Variants in KCTD1 observed in about 807,000 individuals in gnomAD.
The protein encoded by KCTD1 is BTB/POZ domain-containing protein KCTD1.
A neutral mutation model predicts 66.0 loss-of-function variants in KCTD1; 24 were observed. The observed-to-expected ratio is 0.36, with a 90% confidence interval of 0.26 to 0.51. The LOEUF (loss-of-function observed/expected upper bound fraction) is 0.51, where lower values mean the gene tolerates loss of function less well. KCTD1 is among the 20% of genes least tolerant of loss of function. The probability of loss-of-function intolerance (pLI) is 0.95; values close to 1 mark genes in which losing one functional copy is unlikely to be tolerated. For synonymous variants in KCTD1, 511 were observed against 517.2 expected (o/e 0.99, Z 0.16); for missense variants, 943 against 1,205.2 (o/e 0.78, Z 3.22).
rs147403194 is a variant in KCTD1 at position 26,627,478 on chromosome 18, A to C, written c.-16+1669T>G. 4.6e-5 allele frequency among the ~76,000 whole-genome samples: 7 copies of C among 152,306 alleles called. No homozygotes were observed. The East Asian group carries it at 1.4e-3, about 29-fold the overall frequency. On this transcript the variant is annotated intron_variant, in intron 1 of 4. Transcript: ENST00000317932. ...TCAGCATTGTCATATGGCTCAACACACACTAAAACATCATTTTAAATGACA... is the reference window on the plus strand; with the variant it reads ...TCAGCATTGTCATATGGCTCAACACCCACTAAAACATCATTTTAAATGACA...
intron 1 of KCTD1, among the ~76,000 whole-genome samples, chr18:26,580,767 T>C (rs1986334777): frequency 6.6e-6 from 1 of 152,208 alleles, no homozygotes; most frequent in South Asian, 2.1e-4. Flanking sequence ...TTTTACATTT[T>C]TTAATGGGTG....
intron 3 of KCTD1, among the ~76,000 whole-genome samples, chr18:26,463,615 C>A (rs1397760155): frequency 3.9e-5 from 6 of 152,034 alleles, no homozygotes; most frequent in African/African-American, 1.2e-4. Flanking sequence ...CAGCTCACTG[C>A]AACCTCTGCC....
At chr18:26,537,167 C>T (rs1276031106) in intron 1 of KCTD1, among the ~76,000 whole-genome samples, 2 of 152,122 alleles carry the variant, frequency 1.3e-5, no homozygotes, top group African/African-American at 4.8e-5. Flanking sequence ...TTCTAAATTG[C>T]TACCTCAATT....
At chr18:26,629,247 G>C (rs570687092), upstream of KCTD1, 487 of 983,926 alleles carry the variant, frequency 4.9e-4, no homozygotes, top group Non-Finnish European at 5.7e-4. Context: ...GCTGTAAAAG[G>C]AGAAAAGCGT....
chr18:26,594,879 CA>C (rs777478244), intron 1 of KCTD1, among the ~76,000 whole-genome samples: 6 of 152,158 alleles, frequency 3.9e-5, no homozygotes, highest in Non-Finnish European at 8.8e-5. Context: ...GCAACATCAA[CA>C]ACTTCCAGCC....
In KCTD1 at chr18:26,622,793, C is replaced by T. The variant is rs1050740328; in HGVS notation, c.-16+6354G>A. On this transcript the variant is annotated intron_variant, in intron 1 of 4. Coordinates refer to the KCTD1 transcript ENST00000317932. ...GGGGTGGCGGAAGTGCATACAGAGG[C>T]TCTGGGGCTGCAGAGGGTGCGTCAG... Among the ~76,000 whole-genome samples, 7 of 151,962 alleles carry T rather than the reference C, an allele frequency of 4.6e-5. No homozygotes were observed. The East Asian group carries it at 1.2e-3, about 25-fold the overall frequency.
At chr18:26,605,495 T>C (rs753495624) in intron 1 of KCTD1, among the ~76,000 whole-genome samples, 3 of 152,200 alleles carry the variant, frequency 2.0e-5, no homozygotes, top group African/African-American at 4.8e-5. Flanking sequence ...ATATCTTTTC[T>C]GAAATAAATA....
chr18:26,519,292 C>T (rs1045115354), intron 1 of KCTD1, among the ~76,000 whole-genome samples: 3 of 152,196 alleles, frequency 2.0e-5, no homozygotes, highest in African/African-American at 7.2e-5. Flanking sequence ...GAACATAACT[C>T]CTTCCTGTTT....
intron 1 of KCTD1, among the ~76,000 whole-genome samples, chr18:26,634,954 AG>A (rs1479049672): frequency 1.8e-4 from 28 of 152,338 alleles, no homozygotes; most frequent in African/African-American, 6.7e-4. Flanking sequence ...GGGGGTGCCA[AG>A]AGACTCAGAA....
chr18:26,487,662 T>C (rs1450489113), intron 2 of KCTD1, among the ~76,000 whole-genome samples: 1 of 152,246 alleles, frequency 6.6e-6, no homozygotes, highest in African/African-American at 2.4e-5. Flanking sequence ...TTGGGTGCAC[T>C]GTGGCCAACA....
intron 1 of KCTD1, among the ~76,000 whole-genome samples, chr18:26,520,800 A>G (rs1983874788): frequency 6.6e-6 from 1 of 152,232 alleles, no homozygotes; most frequent in African/African-American, 2.4e-5. Flanking sequence ...AGATAGTAAG[A>G]AGAGTCCTCA....
chr18:26,640,764 G>A (rs1987817976), upstream of KCTD1, among the ~76,000 whole-genome samples: 1 of 152,114 alleles, frequency 6.6e-6, no homozygotes, highest in South Asian at 2.1e-4. Context: ...CACTGGGCAG[G>A]TAGACACACG....
At chr18:26,614,519 G>A (rs543928687) in intron 1 of KCTD1, among the ~76,000 whole-genome samples, 1 of 152,310 alleles carries the variant, frequency 6.6e-6, no homozygotes, top group Non-Finnish European at 1.5e-5. Flanking sequence ...GGGATGAATC[G>A]TTCAGCCTCA....
At chr18:26,549,265 G>A (rs1416169183), upstream of KCTD1, 1 of 985,782 alleles carries the variant, frequency 1.0e-6, no homozygotes, top group Non-Finnish European at 1.2e-6. Context: ...GAGGCGCGGG[G>A]GCCTGGGGCC....
chr18:26,592,974 C>T (rs12607431), intron 1 of KCTD1, among the ~76,000 whole-genome samples: 90,485 of 152,078 alleles, frequency 0.59, 27,736 homozygotes, highest in Middle Eastern at 0.76. Context: ...AGCAACACAG[C>T]TGATGCTCAG....
At chr18:26,631,624 T>A (rs892071272), upstream of KCTD1, among the ~76,000 whole-genome samples, 1 of 152,200 alleles carries the variant, frequency 6.6e-6, no homozygotes, top group Non-Finnish European at 1.5e-5. Flanking sequence ...AGTAAAAGAT[T>A]ATGAGGAATT....
intron 1 of KCTD1, among the ~76,000 whole-genome samples, chr18:26,608,315 G>A (rs1390290499): frequency 6.6e-6 from 1 of 152,178 alleles, no homozygotes; most frequent in East Asian, 1.9e-4. Flanking sequence ...GGAGATGGCT[G>A]AGAAAATTGT....
chr18:26,626,076 C>T (rs533798910), intron 1 of KCTD1, among the ~76,000 whole-genome samples: 4 of 152,046 alleles, frequency 2.6e-5, no homozygotes, highest in South Asian at 2.1e-4. Flanking sequence ...GTAGCTAACA[C>T]CGTGAAAGCA....
intron 2 of KCTD1, among the ~76,000 whole-genome samples, chr18:26,493,052 G>A (rs1397238615): frequency 6.6e-6 from 1 of 152,128 alleles, no homozygotes; most frequent in Non-Finnish European, 1.5e-5. Context: ...TCCACCCTGC[G>A]GCTGGGATGC....
Sources: gnomAD v4.1 joint callset for allele counts (sites outside exome capture counted in the v4.1 genomes callset) on GRCh38, gnomAD v4.1.1 for gene constraint, MANE v1.5 for transcripts, NCBI Gene and HGNC (gene_info 2026-07-23, HGNC 2026-07-21) for gene names.